Variants in DENND1A observed in about 807,000 individuals in gnomAD.
The protein encoded by DENND1A is DENN domain containing 1A, also known as DENN domain-containing protein 1A.
A neutral mutation model predicts 113.7 loss-of-function variants in DENND1A; 51 were observed. The ratio of observed to expected loss-of-function variants is 0.45; its 90% CI spans 0.36 to 0.57. The LOEUF (loss-of-function observed/expected upper bound fraction) is 0.57, where lower values mean the gene tolerates loss of function less well. DENND1A is among the 20% of genes least tolerant of loss of function. The probability of loss-of-function intolerance (pLI) is 0.00; values close to 1 mark genes in which losing one functional copy is unlikely to be tolerated. For synonymous variants in DENND1A, 565 were observed against 570.8 expected, an observed-to-expected ratio of 0.99 and a Z score of 0.14; for missense variants, 1,258 against 1,395.9, an observed-to-expected ratio of 0.90 and a Z score of 1.57.
chr9:123,789,637 G>A (rs1003908545), intron 3 of DENND1A, among the ~76,000 whole-genome samples: 3 of 151,978 alleles, frequency 2.0e-5, no homozygotes, highest in Non-Finnish European at 4.4e-5. Flanking sequence ...ATACATCTCC[G>A]GGACCACAGA....
In DENND1A at chr9:123,690,750, C is replaced by T. The variant is rs574171972; in HGVS notation, c.303-13961G>A. Among the ~76,000 whole-genome samples, 24 of 152,272 alleles carry T rather than the reference C, an allele frequency of 1.6e-4. No homozygotes were observed. The South Asian group carries it at 4.8e-3, about 30-fold the overall frequency. On this transcript the variant is annotated intron_variant, in intron 5 of 23. Transcript: ENST00000394215. ...GCTACCAACTTCCAAGTGGTCTTGC[C>T]GAAGGGCTAGGGAGGTGGATTGGTC...
chr9:123,877,783 T>C (rs917335519), intron 2 of DENND1A, among the ~76,000 whole-genome samples: 10 of 151,940 alleles, frequency 6.6e-5, no homozygotes, highest in Non-Finnish European at 8.8e-5. Flanking sequence ...GATTGTGCCA[T>C]TGCACTCCAG....
chr9:123,568,146 G>C (rs1274796019), intron 12 of DENND1A, among the ~76,000 whole-genome samples: 2 of 152,166 alleles, frequency 1.3e-5, no homozygotes, highest in Admixed American at 6.5e-5. Flanking sequence ...TTGATCAATG[G>C]ATGAATATAT....
chr9:123,919,561 G>A (rs1466452819), intron 1 of DENND1A, among the ~76,000 whole-genome samples: 5 of 151,412 alleles, frequency 3.3e-5, no homozygotes, highest in Non-Finnish European at 4.4e-5. Context: ...ACCTTTTAGA[G>A]GCACATATGG....
At chr9:123,815,119 C>T (rs1183446654) in intron 2 of DENND1A, among the ~76,000 whole-genome samples, 2 of 152,156 alleles carry the variant, frequency 1.3e-5, no homozygotes, top group Admixed American at 1.3e-4. Context: ...CTTACTCAAA[C>T]TGTGGGTGGA....
chr9:123,520,151 A>C lies in DENND1A; in HGVS notation c.993+37419T>G, dbSNP rs1406015376. ...AAACAGAGCAAGATCCTGTCTCAAA[A>C]AAAAAAAAAAAAAAAAAAAAAAAGG... On this transcript the variant is annotated intron_variant, in intron 13 of 23. Coordinates refer to ENST00000394215, the MANE Select transcript of DENND1A (RefSeq NM_001352964.2). 1.4e-4 allele frequency among the ~76,000 whole-genome samples: 20 copies of C among 146,958 alleles called. 1 individual carries two copies. The highest frequency in any genetic ancestry group is 2.1e-4 in the Non-Finnish European group (14 of 66,320).
chr9:123,755,179 G>C (rs1049002756), intron 5 of DENND1A, among the ~76,000 whole-genome samples: 3 of 149,388 alleles, frequency 2.0e-5, no homozygotes, highest in African/African-American at 7.4e-5. Context: ...CTGGAGTGAA[G>C]TGGCATGATC....
intron 13 of DENND1A, among the ~76,000 whole-genome samples, chr9:123,508,728 G>C (rs990625622): frequency 6.6e-6 from 1 of 152,174 alleles, no homozygotes; most frequent in Non-Finnish European, 1.5e-5. Flanking sequence ...GGAGAGATCA[G>C]GTGAAGTGTG....
intron 12 of DENND1A, among the ~76,000 whole-genome samples, chr9:123,558,489 G>C (rs937285531): frequency 6.6e-6 from 1 of 152,194 alleles, no homozygotes; most frequent in African/African-American, 2.4e-5. Flanking sequence ...GTATATAAAT[G>C]TAAGCCACCA....
chr9:123,447,492 T>C (rs985149105), intron 18 of DENND1A, among the ~76,000 whole-genome samples: 2 of 152,190 alleles, frequency 1.3e-5, no homozygotes, highest in African/African-American at 4.8e-5. Context: ...GGACCCTCCA[T>C]ACATCATGGT....
At chr9:123,472,549 C>G (rs1338213049) in intron 13 of DENND1A, among the ~76,000 whole-genome samples, 1 of 152,142 alleles carries the variant, frequency 6.6e-6, no homozygotes, top group Admixed American at 6.5e-5. Flanking sequence ...GTCCGGTACA[C>G]CCCGCCCAGC....
intron 13 of DENND1A, among the ~76,000 whole-genome samples, chr9:123,527,827 G>A (rs989651136): frequency 6.6e-6 from 1 of 152,172 alleles, no homozygotes; most frequent in African/African-American, 2.4e-5. Context: ...AAAGATGAAT[G>A]CTAGAAAAGA....
chr9:123,718,259 G>T (rs1335387349), intron 5 of DENND1A, among the ~76,000 whole-genome samples: 3 of 152,194 alleles, frequency 2.0e-5, no homozygotes, highest in Admixed American at 2.0e-4. Context: ...TAAGGTGGGG[G>T]CTCCCAATCC....
At chr9:123,857,932 GCCTGTAGT>G (rs1564400008) in intron 2 of DENND1A, among the ~76,000 whole-genome samples, 5 of 151,968 alleles carry the variant, frequency 3.3e-5, no homozygotes, top group African/African-American at 1.2e-4. Context: ...GGTGGCGGAC[GCCTGTAGT>G]CCCAGCTACT....
At chr9:123,597,118 G>C (rs1048505452) in intron 11 of DENND1A, among the ~76,000 whole-genome samples, 1 of 152,092 alleles carries the variant, frequency 6.6e-6, no homozygotes, top group South Asian at 2.1e-4. Context: ...ACTGCCACTT[G>C]CCATCATTCA....
intron 22 of DENND1A, among the ~76,000 whole-genome samples, 164 bp downstream of exon 22, chr9:123,387,566 G>A (rs1464272367): frequency 6.6e-6 from 1 of 152,202 alleles, no homozygotes; most frequent in Non-Finnish European, 1.5e-5. Context: ...GGCACGCAGA[G>A]GTGGTGTCCA....
chr9:123,526,171 GCA>G (rs61059551), intron 13 of DENND1A, among the ~76,000 whole-genome samples: 18 of 150,690 alleles, frequency 1.2e-4, no homozygotes, highest in Admixed American at 2.6e-4. Context: ...CTGCACATGT[GCA>G]CACACACACA....
At chr9:123,501,374 G>A (rs2052468193) in intron 13 of DENND1A, among the ~76,000 whole-genome samples, 1 of 152,148 alleles carries the variant, frequency 6.6e-6, no homozygotes, top group African/African-American at 2.4e-5. Flanking sequence ...CCACATTTTA[G>A]CTATTGTGAA....
At chr9:123,855,547 C>T (rs745696618) in intron 2 of DENND1A, among the ~76,000 whole-genome samples, 15 of 152,012 alleles carry the variant, frequency 9.9e-5, no homozygotes, top group Admixed American at 2.6e-4. Context: ...CAGTAGTGAG[C>T]GACAAAGGAG....
Sources: allele counts gnomAD v4.1 joint callset (sites outside exome capture counted in the v4.1 genomes callset), GRCh38; gene constraint gnomAD v4.1.1; transcripts MANE v1.5; gene names NCBI Gene and HGNC (gene_info 2026-07-23, HGNC 2026-07-21).